M1AP: variants seen among roughly 807,000 people sequenced by gnomAD.
M1AP encodes meiosis 1 arrest protein.
In M1AP, 39 loss-of-function variants were observed where a neutral mutation model predicts 51.2. That is an observed-to-expected ratio of 0.76 (90% CI 0.59 to 1.00). The LOEUF (loss-of-function observed/expected upper bound fraction) is 1.00, where lower values mean the gene tolerates loss of function less well. Among genes scored for constraint, M1AP ranks in the 50% least tolerant of loss-of-function variants. M1AP has a pLI of 0.00. For missense variants in M1AP, 545 were observed against 641.2 expected, an observed-to-expected ratio of 0.85 and a Z score of 1.62; for synonymous variants, 251 against 249.2, an observed-to-expected ratio of 1.01 and a Z score of -0.07.
At chr2:74,569,103 A>C (rs1164165512) in intron 7 of M1AP, among the ~76,000 whole-genome samples, 1 of 152,218 alleles carries the variant, frequency 6.6e-6, no homozygotes, top group Non-Finnish European at 1.5e-5. Context: ...AAGAACCTTA[A>C]AATAACCATG....
chr2:74,562,516 G>A, intron 7 of M1AP, 93 bp from the exon 8 acceptor site: 1 of 1,435,694 alleles, frequency 7.0e-7, no homozygotes, highest in East Asian at 2.4e-5. Context: ...GACTTCCAGG[G>A]GTGCTGAGGA....
At chr2:74,614,046 T>A (rs1681522803) in intron 3 of M1AP, among the ~76,000 whole-genome samples, 1 of 152,146 alleles carries the variant, frequency 6.6e-6, no homozygotes, top group African/African-American at 2.4e-5. Context: ...CCTTGGCCTC[T>A]CAAAGTGCTG....
chr2:74,609,040 A>G (rs568785912), intron 3 of M1AP, among the ~76,000 whole-genome samples: 1 of 152,352 alleles, frequency 6.6e-6, no homozygotes, highest in African/African-American at 2.4e-5. Context: ...TAGCATATCT[A>G]TCACTTCAAA....
rs574742641 is a variant in M1AP, at chr2:74,566,991, A to G, written c.1075-4568T>C. Among the ~76,000 whole-genome samples the G allele has an allele frequency of 1.1e-4, 17 of 152,354 alleles. No individual in the cohort carries two copies. In the South Asian group the frequency reaches 2.3e-3, roughly 20 times the overall value. The stretch of plus-strand genomic sequence containing the variant: ...ATTTCTTTTTCTAGTTCACACAGAC[A>G]TGACTTTGTAATTGAAATGAGGATG... On this transcript the variant is annotated intron_variant, in intron 7 of 10. Transcript: ENST00000421985.
chr2:74,648,176 C>T (rs1400536376), intron 1 of M1AP, 89 bp downstream of exon 1: 40 of 959,250 alleles, frequency 4.2e-5, no homozygotes, highest in Non-Finnish European at 5.0e-5. Context: ...GAGGACTGGC[C>T]CGAGCTCGGC....
intron 2 of M1AP, among the ~76,000 whole-genome samples, chr2:74,625,649 T>C (rs1446928973): frequency 6.6e-6 from 1 of 152,162 alleles, no homozygotes; most frequent in Non-Finnish European, 1.5e-5. Flanking sequence ...ATAAAGAGGC[T>C]CTCCTATTGT....
At chr2:74,629,543 G>A (rs144120257) in intron 2 of M1AP, among the ~76,000 whole-genome samples, 1 of 152,150 alleles carries the variant, frequency 6.6e-6, no homozygotes, top group African/African-American at 2.4e-5. Flanking sequence ...ATGAGGTCAG[G>A]AGTTTGAGAC....
intron 1 of M1AP, among the ~76,000 whole-genome samples, chr2:74,641,084 A>T (rs1683271799): frequency 6.6e-6 from 1 of 152,158 alleles, no homozygotes; most frequent in Admixed American, 6.5e-5. Flanking sequence ...TGAAAATATG[A>T]CTACATTTCT....
chr2:74,575,512 T>C lies in M1AP; in HGVS notation c.1000A>G (p.Ser334Gly), dbSNP rs1036254820. 1.9e-6 allele frequency: 3 copies of C among 1,614,054 alleles called. No individual in the cohort carries two copies. The African/African-American group carries it at 4.0e-5, about 22-fold the overall frequency. ...YGLPFILRPTSCWQLDWDELE... is the reference protein window; with the variant it reads ...YGLPFILRPTGCWQLDWDELE... ...TCATCCCAGTCCAGCTGCCAACAGC[T>C]TGTAGGTCTGAGGATGAACGGGAGT... is the stretch of plus-strand genomic sequence containing the variant. Residue 334 changes from serine to glycine, a missense_variant, in exon 7 of 11, where the codon AGC becomes GGC. Ser to Gly is a moderately conservative substitution (Grantham distance 56, BLOSUM62 0). Coordinates refer to ENST00000421985, the MANE Select transcript of M1AP (RefSeq NM_001321739.2).
At chr2:74,596,266 G>C (rs1269310405) in intron 4 of M1AP, among the ~76,000 whole-genome samples, 1 of 152,122 alleles carries the variant, frequency 6.6e-6, no homozygotes, top group African/African-American at 2.4e-5. Flanking sequence ...GAAAGTAAAT[G>C]GATGGGAAAG....
rs1453877630 is a variant in M1AP, at chr2:74,562,250, C to T, written c.1248G>A (p.Glu416=). The change falls in exon 8 of 11, where the codon GAG becomes GAA. Residue 416 remains glutamate (E), a synonymous_variant. Coordinates refer to ENST00000421985, the MANE Select transcript of M1AP (RefSeq NM_001321739.2). ...MLPSTFPLLP[E]DPHDDSLKNV... is the part of the protein sequence containing the mutation. ...TCTTAAGGCTATCATCATGTGGGTC[C>T]TCAGGTAGCAGGGGGAAGGTGCTGG... 3.1e-6 allele frequency: 5 copies of T among 1,613,794 alleles called. No homozygotes were observed. In the Admixed American group the frequency reaches 8.3e-5, roughly 27 times the overall value.
chr2:74,617,688 T>A (rs1203627768), intron 2 of M1AP, among the ~76,000 whole-genome samples: 1 of 152,142 alleles, frequency 6.6e-6, no homozygotes. Flanking sequence ...GTTAAAAAAA[T>A]TCATACCATT....
chr2:74,625,636 G>A (rs1217052641), intron 2 of M1AP, among the ~76,000 whole-genome samples: 1 of 152,160 alleles, frequency 6.6e-6, no homozygotes, highest in Non-Finnish European at 1.5e-5. Context: ...GCACTGGAGG[G>A]ACATAAAGAG....
chr2:74,579,171 T>G (rs1409932731), intron 5 of M1AP, among the ~76,000 whole-genome samples: 1 of 152,222 alleles, frequency 6.6e-6, no homozygotes, highest in Non-Finnish European at 1.5e-5. Context: ...ATCCTGGTGC[T>G]GAAAGCTTTG....
At chr2:74,632,986 C>G (rs568565304) in intron 2 of M1AP, among the ~76,000 whole-genome samples, 109 of 152,280 alleles carry the variant, frequency 7.2e-4, no homozygotes, top group African/African-American at 2.6e-3. Flanking sequence ...ACCTCTTATA[C>G]TGGATATCTT....
In M1AP at chr2:74,607,241, A is replaced by G; in HGVS notation, c.427-18T>C. On this transcript the variant is annotated intron_variant, in intron 3 of 10. Transcript: ENST00000421985. ...ATAGTAATCTGAAAATAAATCCAAG[A>G]ATCAATGTGTCTATTCTCCCTGATG... 6.2e-7 allele frequency: 1 copy of G among 1,612,636 alleles called. No individual in the cohort carries two copies. Among genetic ancestry groups the G allele is most frequent in the South Asian group, 1.1e-5 (1 of 91,046 alleles).
In M1AP at chr2:74,575,476, T is replaced by C. The variant is rs1679004199; in HGVS notation, c.1036A>G (p.Asn346Asp). 6.2e-7 allele frequency: 1 copy of C among 1,614,178 alleles called. No individual in the cohort carries two copies. The highest frequency in any genetic ancestry group is 2.2e-5 in the East Asian group (1 of 44,886). ...CACAAAGCATGGAAATGTTGCTGAT[T>C]TGTCTCCAGCTCATCCCAGTCCAGC... ...WQLDWDELET[N>D]QQHFHALCHS... The change falls in exon 7 of 11, where the codon AAT becomes GAT. Residue 346 changes from asparagine (N) to aspartate (D), a missense_variant. Physicochemically the swap from Asn to Asp is conservative, Grantham distance 23. Coordinates refer to ENST00000421985, the MANE Select transcript of M1AP (RefSeq NM_001321739.2).
At chr2:74,572,049 A>C (rs1044957804) in intron 7 of M1AP, among the ~76,000 whole-genome samples, 1 of 152,120 alleles carries the variant, frequency 6.6e-6, no homozygotes, top group African/African-American at 2.4e-5. Flanking sequence ...CTTTTCCAGA[A>C]TAGGAGAGTG....
At chr2:74,628,640 C>A in intron 2 of M1AP, 1 of 687,164 alleles carries the variant, frequency 1.5e-6, no homozygotes, top group Non-Finnish European at 2.5e-6. Flanking sequence ...CCCAATGGTT[C>A]TTTCCATCTT....
Sources: gnomAD v4.1 joint callset for allele counts (sites outside exome capture counted in the v4.1 genomes callset) on GRCh38, gnomAD v4.1.1 for gene constraint, MANE v1.5 for transcripts, NCBI Gene and HGNC (gene_info 2026-07-23, HGNC 2026-07-21) for gene names.